The following NTSR1 variants were observed in gnomAD, a reference collection of about 807,000 sequenced individuals.
The protein encoded by NTSR1 is neurotensin receptor type 1.
A neutral mutation model predicts 31.2 loss-of-function variants in NTSR1; 29 were observed. The ratio of observed to expected loss-of-function variants is 0.93; its 90% CI spans 0.69 to 1.27. The LOEUF (loss-of-function observed/expected upper bound fraction) is 1.27, where lower values mean the gene tolerates loss of function less well. Among genes scored for constraint, NTSR1 ranks in the 50% most tolerant of loss-of-function variants. The pLI is 0.00. For missense variants in NTSR1, 697 were observed against 595.4 expected (o/e 1.17, Z -1.78); for synonymous variants, 282 against 269.9 (o/e 1.04, Z -0.44).
intron 1 of NTSR1, among the ~76,000 whole-genome samples, chr20:62,713,093 G>A (rs1988648478): frequency 1.3e-5 from 2 of 152,148 alleles, no homozygotes; most frequent in Admixed American, 1.3e-4. Context: ...ACACACGAAA[G>A]CAAACCCTCC....
At position 62,709,097 on chromosome 20, in the gene NTSR1, G is replaced by C. The variant is rs1988533927; in HGVS notation, c.-111G>C. Reference sequence around the variant, plus strand: ...CGGCGCGCCCGCTGGTCTTCGCCACGCGCCCTCCCCTGGGCTCCCGTTCAT... The same window carrying C: ...CGGCGCGCCCGCTGGTCTTCGCCACCCGCCCTCCCCTGGGCTCCCGTTCAT... On this transcript the variant is annotated 5_prime_UTR_variant, in exon 1 of 4. Coordinates refer to ENST00000370501, the MANE Select transcript of NTSR1 (RefSeq NM_002531.3). 1.1e-6 allele frequency: 1 copy of C among 893,102 alleles called. No individual in the cohort carries two copies. The highest frequency in any genetic ancestry group is 2.6e-5 in the South Asian group (1 of 38,122). 55.3% of individuals were successfully genotyped at this position (893,102 alleles called of 1,614,324 possible). A position where few individuals can be genotyped will look rare whatever the true frequency, so the allele number is the denominator to read the frequency against.
rs1325827163 is a variant in NTSR1, at chr20:62,709,254, C to T, written c.47C>T (p.Ala16Val). Residue 16 changes from alanine to valine, a missense_variant, in exon 1 of 4, where the codon GCC becomes GTC. Physicochemically the swap from Ala to Val is moderately conservative, Grantham distance 64 (BLOSUM62 0). Transcript: ENST00000370501. ...SAPGTPGTPA[A>V]DPFQRAQAGL... ...CCGGGAACCCCGGGCACGCCGGCCG[C>T]CGACCCCTTCCAGCGGGCGCAGGCC... The T allele has an allele frequency of 2.0e-6, 3 of 1,530,686 alleles. No homozygotes were observed. Among genetic ancestry groups the T allele is most frequent in the Non-Finnish European group, 1.7e-6 (2 of 1,145,136 alleles). The allele number at this position is 1,530,686 out of a possible 1,614,324, so 94.8% of individuals were successfully genotyped here.
chr20:62,757,187 T>G (rs1989526854), intron 2 of NTSR1, among the ~76,000 whole-genome samples: 1 of 152,264 alleles, frequency 6.6e-6, no homozygotes, highest in South Asian at 2.1e-4. Flanking sequence ...TGTTTTCTCC[T>G]AGGAGTTTTA....
At chr20:62,712,049 G>T (rs1988626659) in intron 1 of NTSR1, among the ~76,000 whole-genome samples, 1 of 152,232 alleles carries the variant, frequency 6.6e-6, no homozygotes, top group Non-Finnish European at 1.5e-5. Flanking sequence ...TTACAAGGGT[G>T]CTCCTCCATC....
chr20:62,748,255 A>C (rs1209794162), intron 1 of NTSR1, among the ~76,000 whole-genome samples: 5 of 152,166 alleles, frequency 3.3e-5, no homozygotes, highest in African/African-American at 4.8e-5. Flanking sequence ...AGACCTGTAC[A>C]CTGAATATAA....
At chr20:62,747,922 T>A (rs530068506) in intron 1 of NTSR1, among the ~76,000 whole-genome samples, 5 of 152,212 alleles carry the variant, frequency 3.3e-5, no homozygotes, top group Non-Finnish European at 7.3e-5. Context: ...ACACCTGTAA[T>A]CCCAGCAGTT....
intron 3 of NTSR1, among the ~76,000 whole-genome samples, chr20:62,759,651 T>C (rs1236626746): frequency 6.6e-6 from 1 of 151,936 alleles, no homozygotes; most frequent in African/African-American, 2.4e-5. Flanking sequence ...GGGGGGTCCC[T>C]GTAGTCCCAG....
Position 62,760,042 on chromosome 20 carries a change from C to A in NTSR1, c.1032C>A (p.Tyr344Ter). ...WTPFLYDFYHYFYMVTNALFY... is the reference protein window; with the variant it reads ...WTPFLYDFYH ...GGTTCCTCTATGACTTCTACCACTA[C>A]TTCTACATGGTGACCAACGCACTCT... The change falls in exon 4 of 4, where the codon TAC (tyrosine) becomes TAA (stop). Residue 344 changes from tyrosine (Y) to a stop codon, truncating the protein, a stop_gained. Coordinates refer to ENST00000370501, the MANE Select transcript of NTSR1 (RefSeq NM_002531.3). LOFTEE classifies it high-confidence loss of function. The A allele has an allele frequency of 6.2e-7, 1 of 1,614,118 alleles. No individual in the cohort carries two copies. The highest frequency in any genetic ancestry group is 1.1e-5 in the South Asian group (1 of 91,088).
chr20:62,755,031 C>T (rs1024456109), intron 2 of NTSR1, 145 bp downstream of exon 2: 6 of 727,172 alleles, frequency 8.3e-6, no homozygotes, highest in East Asian at 2.7e-5. Context: ...CCAGCTCCCC[C>T]GAGGGGTGAG....
intron 2 of NTSR1, among the ~76,000 whole-genome samples, chr20:62,755,909 A>C (rs1331959999): frequency 7.0e-4 from 38 of 53,958 alleles, no homozygotes; most frequent in African/African-American, 7.7e-4. Flanking sequence ...CCATCCATCC[A>C]TCCCTCCTTC....
At chr20:62,717,630 T>C (rs1227982561) in intron 1 of NTSR1, among the ~76,000 whole-genome samples, 5 of 152,184 alleles carry the variant, frequency 3.3e-5, no homozygotes. Flanking sequence ...ATGATTTGTG[T>C]TCTCCCCTGG....
chr20:62,710,919 G>T (rs372022102), intron 1 of NTSR1, among the ~76,000 whole-genome samples: 24 of 152,250 alleles, frequency 1.6e-4, no homozygotes, highest in African/African-American at 5.5e-4. Context: ...GGGCAGAGTC[G>T]CCTACCTCTG....
chr20:62,754,643 C>A, intron 1 of NTSR1, 42 bp from the exon 2 acceptor site: 1 of 1,541,950 alleles, frequency 6.5e-7, no homozygotes, highest in Admixed American at 1.7e-5. Flanking sequence ...GTGCATGAGT[C>A]CCGCTGCTGG....
intron 1 of NTSR1, among the ~76,000 whole-genome samples, chr20:62,750,686 G>A (rs13038588): frequency 0.071 from 8,309 of 117,740 alleles, 290 homozygotes; most frequent in Middle Eastern, 0.14. Flanking sequence ...GCGAGACTCC[G>A]TCTCAAAAAA....
chr20:62,715,393 G>A lies in NTSR1; in HGVS notation c.714+5472G>A, dbSNP rs747922970. ...GGGCAGAGCCACCTGTGCACATCAC[G>A]TGGCTGGAGAGAGACAGGGCCTGGA... is the stretch of plus-strand genomic sequence containing the variant. On this transcript the variant is annotated intron_variant, in intron 1 of 3. Transcript: ENST00000370501. This position sits in a 1 kb window ranked among gnomAD's most constrained non-coding sequence, Gnocchi z 4.7. Among the ~76,000 whole-genome samples the A allele has an allele frequency of 3.9e-5, 6 of 152,212 alleles. No homozygotes were observed. The highest frequency in any genetic ancestry group is 1.2e-4 in the African/African-American group (5 of 41,448).
Position 62,709,111 on chromosome 20 carries a change from G to C in NTSR1, c.-97G>C. The stretch of plus-strand genomic sequence containing the variant: ...GTCTTCGCCACGCGCCCTCCCCTGG[G>C]CTCCCGTTCATCGGTCCCCGCCTGA... On this transcript the variant is annotated 5_prime_UTR_variant, in exon 1 of 4. Transcript: ENST00000370501. The C allele has an allele frequency of 9.7e-7, 1 of 1,035,170 alleles. No individual in the cohort carries two copies. Among genetic ancestry groups the C allele is most frequent in the Non-Finnish European group, 1.3e-6 (1 of 773,564 alleles). 64.1% of individuals were successfully genotyped at this position (1,035,170 alleles called of 1,614,324 possible).
In NTSR1 at chr20:62,733,187, C is replaced by G. The variant is rs1407666603; in HGVS notation, c.715-21498C>G. On this transcript the variant is annotated intron_variant, in intron 1 of 3. Coordinates refer to ENST00000370501, the MANE Select transcript of NTSR1 (RefSeq NM_002531.3). This position sits in a 1 kb window ranked among gnomAD's most constrained non-coding sequence, Gnocchi z 5.2. The stretch of plus-strand genomic sequence containing the variant: ...GACGTTCTTTCGGAAGAAGATCTGT[C>G]AGAGAAAATGCAAGCTGATTACCAG... 6.0e-5 allele frequency: 9 copies of G among 149,574 alleles called. No homozygotes were observed. The Admixed American group carries it at 6.0e-4, about 10-fold the overall frequency. The allele number at this position is 149,574 out of a possible 1,614,324, so 9.3% of individuals were successfully genotyped here. A position where few individuals can be genotyped will look rare whatever the true frequency, so the allele number is the denominator to read the frequency against.
intron 1 of NTSR1, among the ~76,000 whole-genome samples, chr20:62,730,622 A>G (rs188977050): frequency 5.5e-4 from 84 of 152,316 alleles, no homozygotes; most frequent in Middle Eastern, 6.8e-3. Flanking sequence ...TCGTTGGAAC[A>G]CGTGGTAAGG....
Position 62,709,029 on chromosome 20 carries a change from G to A in NTSR1, c.-179G>A. On this transcript the variant is annotated 5_prime_UTR_variant, in exon 1 of 4. Transcript: ENST00000370501. ...GGAGGAGAGCGGAGCCCGGAGCCCG[G>A]AGCCCGGGGCGGCGCGTCTGGGTCT... is the stretch of plus-strand genomic sequence containing the variant. The A allele has an allele frequency of 2.1e-6, 1 of 473,684 alleles. No homozygotes were observed. The highest frequency in any genetic ancestry group is 4.6e-5 in the South Asian group (1 of 21,610). The allele number at this position is 473,684 out of a possible 1,614,324, so 29.3% of individuals were successfully genotyped here.
Sources: allele counts gnomAD v4.1 joint callset (sites outside exome capture counted in the v4.1 genomes callset), GRCh38; gene constraint gnomAD v4.1.1; non-coding constraint Gnocchi (gnomAD v3.1); transcripts MANE v1.5; gene names NCBI Gene and HGNC (gene_info 2026-07-23, HGNC 2026-07-21).